Variants in SPTBN4 observed in about 807,000 individuals in gnomAD.
SPTBN4 encodes spectrin beta, non-erythrocytic 4, also known as spectrin beta chain, non-erythrocytic 4.
Under a neutral mutation model 277.8 loss-of-function variants are expected in SPTBN4, and 96 were observed. That is an observed-to-expected ratio of 0.35 (90% confidence interval 0.29 to 0.41). The LOEUF is 0.41. Ranked by LOEUF, SPTBN4 falls within the 10% of genes least tolerant of loss-of-function variation. SPTBN4 has a pLI of 1.00. For synonymous variants in SPTBN4, 1,481 were observed against 1,580.3 expected, an observed-to-expected ratio of 0.94 and a Z score of 1.49; for missense variants, 3,006 against 3,595.7, an observed-to-expected ratio of 0.84 and a Z score of 4.19.
In SPTBN4 at chr19:40,557,309, G is replaced by A. The variant is rs764184709; in HGVS notation, c.5576G>A (p.Arg1859His). 5.1e-5 allele frequency: 82 copies of A among 1,613,354 alleles called. No homozygotes were observed. The East Asian group carries it at 5.6e-4, about 11-fold the overall frequency. Residue 1859 changes from arginine to histidine, a missense_variant, in exon 26 of 36, where the codon CGC becomes CAC. Physicochemically the swap from Arg to His is conservative, Grantham distance 29 (BLOSUM62 0). Transcript: ENST00000598249. Reference sequence around the variant, plus strand: ...GAGGAGAAGCGGAGGCGGCTGCCCCGCCTGACCACCCCGCCTGAGCCGAGA... The same window carrying A: ...GAGGAGAAGCGGAGGCGGCTGCCCCACCTGACCACCCCGCCTGAGCCGAGA... ...QIEEKRRRLP[R>H]LTTPPEPRPS...
Position 40,554,165 on chromosome 19 carries a change from C to A in SPTBN4, c.4693C>A (p.Gln1565Lys). ...CCCCCAGGGCCTGCGGCGGGAGATCCAGGCGCATGGGCCGCGCCTGGAGGA... is the reference window on the plus strand; with the variant it reads ...CCCCCAGGGCCTGCGGCGGGAGATCAAGGCGCATGGGCCGCGCCTGGAGGA... ...KKNQGLRREI[Q>K]AHGPRLEEVL... is the part of the protein sequence containing the mutation. The change falls in exon 23 of 36, where the codon CAG (glutamine) becomes AAG (lysine). Residue 1565 changes from glutamine (Q) to lysine (K), a missense_variant. Coordinates refer to ENST00000598249, the MANE Select transcript of SPTBN4 (RefSeq NM_020971.3). The surrounding 1 kb of genome is among the most constrained non-coding windows in gnomAD (Gnocchi z 5.7). The A allele has an allele frequency of 6.9e-7, 1 of 1,444,898 alleles. No homozygotes were observed. Among genetic ancestry groups the A allele is most frequent in the South Asian group, 1.5e-5 (1 of 68,318 alleles). 89.5% of individuals were successfully genotyped at this position (1,444,898 alleles called of 1,614,324 possible). A position where few individuals can be genotyped will look rare whatever the true frequency, so the allele number is the denominator to read the frequency against.
At chr19:40,517,277 AGACTGTGC>A (rs2080471290) in intron 15 of SPTBN4, among the ~76,000 whole-genome samples, 1 of 151,916 alleles carries the variant, frequency 6.6e-6, no homozygotes, top group Non-Finnish European at 1.5e-5. Context: ...TTGACTTCAA[AGACTGTGC>A]TCTTTTTTTT....
At chr19:40,534,775 G>A (rs2145901854) in intron 20 of SPTBN4, 1 of 175,722 alleles carries the variant, frequency 5.7e-6, no homozygotes, top group Middle Eastern at 2.9e-3. Context: ...GATTGGTACT[G>A]TTATTATCCT....
Position 40,498,586 on chromosome 19 carries a change from T to C in SPTBN4, c.784+982T>C, listed in dbSNP as rs530288451. Among the ~76,000 whole-genome samples the C allele has an allele frequency of 2.0e-5, 3 of 151,616 alleles. No individual in the cohort carries two copies. In the South Asian group the frequency reaches 6.2e-4, roughly 32 times the overall value. ...ACGCCCGGCTAATTTTTTGTATTTT[T>C]AGTAGAGACGGGGTTTCACCGTGTT... On this transcript the variant is annotated intron_variant, in intron 7 of 35. Coordinates refer to ENST00000598249, the MANE Select transcript of SPTBN4 (RefSeq NM_020971.3).
chr19:40,528,735 A>G (rs987434179), intron 17 of SPTBN4, among the ~76,000 whole-genome samples: 5 of 150,082 alleles, frequency 3.3e-5, no homozygotes, highest in Non-Finnish European at 3.0e-5. Context: ...GTCCCTAGGT[A>G]TGTCTGTCTT....
intron 20 of SPTBN4, chr19:40,534,720 T>C (rs1568819518): frequency 8.8e-6 from 2 of 226,396 alleles, no homozygotes; most frequent in Admixed American, 5.0e-5. Context: ...TCTCTACCAG[T>C]CTCTGGGCCA....
intron 35 of SPTBN4, among the ~76,000 whole-genome samples, chr19:40,573,278 C>T (rs1347695245): frequency 6.6e-6 from 1 of 152,172 alleles, no homozygotes; most frequent in African/African-American, 2.4e-5. Flanking sequence ...TACTATGGCA[C>T]TCCAGGCTGG....
chr19:40,549,116 TA>T, intron 20 of SPTBN4, 72 bp from the exon 21 acceptor site: 1 of 1,295,588 alleles, frequency 7.7e-7, no homozygotes, highest in South Asian at 1.4e-5. Context: ...GCTGTCACCA[TA>T]AGGGTACTGG....
chr19:40,497,264 T>C (rs1225573306), intron 6 of SPTBN4, among the ~76,000 whole-genome samples: 2 of 151,964 alleles, frequency 1.3e-5, no homozygotes, highest in Admixed American at 1.3e-4. Flanking sequence ...CAGCAACAAA[T>C]GCACATGCAC....
chr19:40,536,300 A>C (rs754865512), intron 20 of SPTBN4, among the ~76,000 whole-genome samples: 2 of 150,728 alleles, frequency 1.3e-5, no homozygotes, highest in African/African-American at 4.9e-5. Flanking sequence ...TGCAACCTCT[A>C]CCTCCCAGGT....
intron 33 of SPTBN4, chr19:40,571,167 T>C (rs926128223): frequency 7.3e-5 from 12 of 163,706 alleles, no homozygotes; most frequent in Non-Finnish European, 1.6e-4. Flanking sequence ...GAGGGAGGCA[T>C]CTAGTTGAGA....
At position 40,532,672 on chromosome 19, in the gene SPTBN4, G is replaced by A. The variant is rs573941593; in HGVS notation, c.3996G>A (p.Thr1332=). ...AGATGCTGATGGCGCGGGATGGCACGCGGGAGGACAACCACAAGCTGCATA... is the reference window on the plus strand; with the variant it reads ...AGATGCTGATGGCGCGGGATGGCACACGGGAGGACAACCACAAGCTGCATA... ...HEKMLMARDG[T]REDNHKLHKR... is the part of the protein sequence containing the mutation. The change falls in exon 19 of 36, where the codon ACG becomes ACA. Residue 1332 remains threonine (T), a synonymous_variant. Transcript: ENST00000598249. 5.7e-5 allele frequency: 92 copies of A among 1,613,572 alleles called. No individual in the cohort carries two copies. In the Middle Eastern group the frequency reaches 6.6e-4, roughly 12 times the overall value.
chr19:40,526,167 C>CTTTTT (rs1168105162), intron 17 of SPTBN4, among the ~76,000 whole-genome samples: 71 of 93,142 alleles, frequency 7.6e-4, no homozygotes, highest in East Asian at 1.7e-3. Flanking sequence ...AGGTGCTGTT[C>CTTTTT]TTTTTTTTTT....
In SPTBN4 at chr19:40,487,888, G is replaced by T. The variant is rs557108733; in HGVS notation, c.321+40G>T. On this transcript the variant is annotated intron_variant, in intron 3 of 35. Coordinates refer to ENST00000598249, the MANE Select transcript of SPTBN4 (RefSeq NM_020971.3). ...AGGGCTGGGGCAGGGGTCCTCCCTGGGGTCTCAGGCTGGGGGTTGGGCTTC... is the reference window on the plus strand; with the variant it reads ...AGGGCTGGGGCAGGGGTCCTCCCTGTGGTCTCAGGCTGGGGGTTGGGCTTC... The T allele has an allele frequency of 5.8e-6, 9 of 1,541,404 alleles. No homozygotes were observed. In the Admixed American group the frequency reaches 1.7e-4, roughly 30 times the overall value.
chr19:40,487,825 G>A lies in SPTBN4; in HGVS notation c.298G>A (p.Glu100Lys). 1 of 1,609,244 alleles carries A rather than the reference G, an allele frequency of 6.2e-7. No homozygotes were observed. Among genetic ancestry groups the A allele is most frequent in the Non-Finnish European group, 8.5e-7 (1 of 1,177,832 alleles). The change falls in exon 3 of 36, where the codon GAA becomes AAA. Residue 100 changes from glutamate to lysine, a missense_variant. Transcript: ENST00000598249. ...CGGCTTCGTGCTCACGCGGCTCCTG[G>A]AAGTGCTGTCTGGGGAGCAGCTGGT... is the stretch of plus-strand genomic sequence containing the variant. Reference protein sequence around the residue: ...RDGFVLTRLLEVLSGEQLPRP... With the variant: ...RDGFVLTRLLKVLSGEQLPRP...
At chr19:40,487,670 G>C in intron 2 of SPTBN4, 27 bp from the exon 3 acceptor site, 1 of 1,595,288 alleles carries the variant, frequency 6.3e-7, no homozygotes, top group East Asian at 2.2e-5. Context: ...GGAAGCGCCT[G>C]GGGGCTCATC....
rs556623605 is a variant in SPTBN4 at position 40,557,264 on chromosome 19, G to A, written c.5531G>A (p.Arg1844Gln). The A allele has an allele frequency of 1.2e-5, 20 of 1,613,682 alleles. No individual in the cohort carries two copies. The highest frequency in any genetic ancestry group is 2.2e-5 in the East Asian group (1 of 44,870). Residue 1844 changes from arginine (R) to glutamine (Q), a missense_variant, in exon 26 of 36, where the codon CGA becomes CAA. Arg to Gln is a conservative substitution (Grantham distance 43). Coordinates refer to ENST00000598249, the MANE Select transcript of SPTBN4 (RefSeq NM_020971.3). ...CTTCATAAGTTCTTCAGTGACGCCC[G>A]AGAGCTTCAGGGACAGATTGAGGAG... ...RELHKFFSDA[R>Q]ELQGQIEEKR...
At position 40,496,446 on chromosome 19, in the gene SPTBN4, G is replaced by A. The variant is rs144100011; in HGVS notation, c.669-1043G>A. 2.6e-3 allele frequency among the ~76,000 whole-genome samples: 402 copies of A among 152,064 alleles called. 3 individuals carry two copies. The highest frequency in any genetic ancestry group is 9.0e-3 in the African/African-American group (374 of 41,486). Reference sequence around the variant, plus strand: ...ATTACAGGCATGTGCCACCACGCCCGGCTAATTTTGTTTGTTTAGTGGAGA... The same window carrying A: ...ATTACAGGCATGTGCCACCACGCCCAGCTAATTTTGTTTGTTTAGTGGAGA... On this transcript the variant is annotated intron_variant, in intron 6 of 35. Coordinates refer to ENST00000598249, the MANE Select transcript of SPTBN4 (RefSeq NM_020971.3).
chr19:40,562,287 T>C (rs2081050099), intron 27 of SPTBN4, among the ~76,000 whole-genome samples: 1 of 152,058 alleles, frequency 6.6e-6, no homozygotes, highest in Non-Finnish European at 1.5e-5. Flanking sequence ...CCCAGCACTT[T>C]GGGAGGCCAA....
Sources: gnomAD v4.1 joint callset for allele counts (sites outside exome capture counted in the v4.1 genomes callset) on GRCh38, gnomAD v4.1.1 for gene constraint, Gnocchi (gnomAD v3.1) non-coding constraint, MANE v1.5 for transcripts, NCBI Gene and HGNC (gene_info 2026-07-23, HGNC 2026-07-21) for gene names.